AFF3: variants seen among roughly 807,000 people sequenced by gnomAD.
AFF3 encodes ALF transcription elongation factor 3.
Under a neutral mutation model 129.7 loss-of-function variants are expected in AFF3, and 32 were observed. That is an observed-to-expected ratio of 0.25 (90% CI 0.19 to 0.33). AFF3 has a LOEUF of 0.33. AFF3 is among the 10% of genes least tolerant of loss of function. The pLI, the probability that AFF3 is intolerant of heterozygous loss-of-function variation, is 1.00. For synonymous variants in AFF3, 644 were observed against 635.4 expected (o/e 1.01, Z -0.20); for missense variants, 1,373 against 1,592.0 (o/e 0.86, Z 2.34).
Position 99,551,384 on chromosome 2 carries a change from G to T in AFF3, c.*90C>A, listed in dbSNP as rs936295340. ...AAATGTTCACCGCAGTCTGATAAAT[G>T]CTGTGGCTGGGAGTTTCAGTAGCAC... On this transcript the variant is annotated 3_prime_UTR_variant, in exon 25 of 25. Coordinates refer to ENST00000672756, the MANE Select transcript of AFF3 (RefSeq NM_001386135.1). 9 of 1,523,788 alleles carry T rather than the reference G, an allele frequency of 5.9e-6. No individual in the cohort carries two copies. In the South Asian group the frequency reaches 8.1e-5, roughly 14 times the overall value. The allele number at this position is 1,523,788 out of a possible 1,614,324, so 94.4% of individuals were successfully genotyped here.
At chr2:99,809,322 G>A (rs911169097) in intron 8 of AFF3, among the ~76,000 whole-genome samples, 6 of 152,220 alleles carry the variant, frequency 3.9e-5, no homozygotes, top group Admixed American at 6.5e-5. Flanking sequence ...AGCTCTCAGG[G>A]TCTACGGGGC....
At chr2:99,890,328 TG>T (rs1693454358) in intron 7 of AFF3, among the ~76,000 whole-genome samples, 1 of 152,234 alleles carries the variant, frequency 6.6e-6, no homozygotes, top group African/African-American at 2.4e-5. Flanking sequence ...GTGTACGTTC[TG>T]GGTTCTCATG....
intron 8 of AFF3, among the ~76,000 whole-genome samples, chr2:99,770,438 G>A (rs1683382743): frequency 6.6e-6 from 1 of 152,182 alleles, no homozygotes; most frequent in Non-Finnish European, 1.5e-5. Context: ...GCCAAGGCCT[G>A]GAATCAGGGA....
intron 2 of AFF3, chr2:100,107,497 T>TA: frequency 1.0e-6 from 1 of 985,316 alleles, no homozygotes; most frequent in East Asian, 1.1e-4. Flanking sequence ...ATAAAAATGT[T>TA]AGAGTGATGT....
At chr2:100,092,714 T>C (rs1433161198) in intron 4 of AFF3, among the ~76,000 whole-genome samples, 2 of 151,966 alleles carry the variant, frequency 1.3e-5, no homozygotes, top group African/African-American at 2.4e-5. Context: ...CCTTACATTA[T>C]CGTACCTGCC....
chr2:99,610,666 T>C (rs751298329), intron 13 of AFF3, among the ~76,000 whole-genome samples: 3 of 152,224 alleles, frequency 2.0e-5, no homozygotes, highest in Non-Finnish European at 4.4e-5. Flanking sequence ...TAGGTTTTTA[T>C]GTGGATGTAA....
At chr2:99,592,101 A>G (rs1354163090) in intron 15 of AFF3, among the ~76,000 whole-genome samples, 3 of 152,176 alleles carry the variant, frequency 2.0e-5, no homozygotes, top group African/African-American at 7.2e-5. Context: ...AAGATACAGT[A>G]ACAGGAGGGG....
At chr2:100,052,524 C>T (rs1436161726) in intron 4 of AFF3, among the ~76,000 whole-genome samples, 1 of 152,086 alleles carries the variant, frequency 6.6e-6, no homozygotes, top group African/African-American at 2.4e-5. Flanking sequence ...GGATCCATAA[C>T]AGTCCCGTGT....
intron 7 of AFF3, among the ~76,000 whole-genome samples, chr2:99,842,815 G>C (rs936330018): frequency 6.6e-6 from 1 of 152,208 alleles, no homozygotes; most frequent in African/African-American, 2.4e-5. Context: ...AATATGGGGA[G>C]AAGCAGGGCT....
Position 99,983,861 on chromosome 2 carries a change from G to T in AFF3, c.873+22771C>A, listed in dbSNP as rs117483664. Among the ~76,000 whole-genome samples the T allele has an allele frequency of 7.6e-4, 115 of 151,612 alleles. 2 individuals are homozygous for T. In the East Asian group the frequency reaches 0.021, roughly 28 times the overall value. ...AGCTCCGAAAAGTGCCAGCAGAGCAGAAAAATTAATGTAAATAACATTAGT... is the reference window on the plus strand; with the variant it reads ...AGCTCCGAAAAGTGCCAGCAGAGCATAAAAATTAATGTAAATAACATTAGT... On this transcript the variant is annotated intron_variant, in intron 7 of 24. Coordinates refer to ENST00000672756, the MANE Select transcript of AFF3 (RefSeq NM_001386135.1).
intron 7 of AFF3, among the ~76,000 whole-genome samples, chr2:99,974,240 C>A (rs1678663901): frequency 6.6e-6 from 1 of 151,976 alleles, no homozygotes; most frequent in African/African-American, 2.4e-5. Context: ...ATAATAATTC[C>A]TATTTGATTG....
chr2:100,016,091 T>C (rs995866603), intron 4 of AFF3, among the ~76,000 whole-genome samples: 37 of 151,096 alleles, frequency 2.4e-4, no homozygotes, highest in African/African-American at 9.0e-4. Context: ...ATGGTGGTGG[T>C]AGTGGTAGTG....
chr2:100,037,196 A>G (rs1304871763), intron 4 of AFF3, among the ~76,000 whole-genome samples: 2 of 151,968 alleles, frequency 1.3e-5, no homozygotes, highest in African/African-American at 2.4e-5. Flanking sequence ...CTCAAGGTCC[A>G]AGAATAAACA....
At chr2:99,965,652 C>A (rs372465379) in intron 7 of AFF3, among the ~76,000 whole-genome samples, 1 of 152,160 alleles carries the variant, frequency 6.6e-6, no homozygotes, top group Admixed American at 6.5e-5. Flanking sequence ...TCTGGTTTCA[C>A]ATGTTTGTCG....
intron 2 of AFF3, among the ~76,000 whole-genome samples, chr2:100,114,440 G>A (rs1169012783): frequency 6.6e-6 from 1 of 152,122 alleles, no homozygotes; most frequent in East Asian, 1.9e-4. Context: ...AGAGTGCAGT[G>A]GTGTGATCTC....
chr2:99,783,085 T>C (rs1249321815), intron 8 of AFF3, among the ~76,000 whole-genome samples: 1 of 152,210 alleles, frequency 6.6e-6, no homozygotes, highest in Non-Finnish European at 1.5e-5. Flanking sequence ...AGGATAGCGG[T>C]AGATAAAATC....
chr2:99,594,341 TTAAAAG>T, intron 14 of AFF3, 52 bp from the exon 15 acceptor site: 1 of 1,553,144 alleles, frequency 6.4e-7, no homozygotes, highest in East Asian at 2.3e-5. Context: ...ACAGGCTCAC[TTAAAAG>T]GGGCCTGGCT....
intron 19 of AFF3, among the ~76,000 whole-genome samples, chr2:99,566,478 T>C (rs938693091): frequency 6.6e-6 from 1 of 152,122 alleles, no homozygotes; most frequent in Non-Finnish European, 1.5e-5. Flanking sequence ...AGCCTGGAAG[T>C]TTGAGGTTCC....
At chr2:99,970,835 C>T (rs920094584) in intron 7 of AFF3, among the ~76,000 whole-genome samples, 1 of 152,214 alleles carries the variant, frequency 6.6e-6, no homozygotes, top group South Asian at 2.1e-4. Flanking sequence ...GTGTCTCACG[C>T]ACCTTTGCTC....
Sources: allele counts gnomAD v4.1 joint callset (sites outside exome capture counted in the v4.1 genomes callset), GRCh38; gene constraint gnomAD v4.1.1; transcripts MANE v1.5; gene names NCBI Gene and HGNC (gene_info 2026-07-23, HGNC 2026-07-21).